The following TMEM204 variants were observed in gnomAD, a reference collection of about 807,000 sequenced individuals.
TMEM204 encodes claudin-like protein 24.
Under a neutral mutation model 19.4 loss-of-function variants are expected in TMEM204, and 15 were observed. That is an observed-to-expected ratio of 0.77 (90% CI 0.52 to 1.19). TMEM204 has a LOEUF of 1.19. TMEM204 is among the 50% of genes most tolerant of loss of function. TMEM204 has a pLI of 0.00. For synonymous variants in TMEM204, 161 were observed against 146.0 expected (o/e 1.10, Z -0.74); for missense variants, 287 against 321.2 (o/e 0.89, Z 0.81).
intron 1 of TMEM204, chr16:1,540,996 T>G (rs1474623797): frequency 1.0e-6 from 1 of 985,196 alleles, no homozygotes; most frequent in Non-Finnish European, 1.2e-6. Flanking sequence ...TGGGCCCCTG[T>G]GTAAGGTTTT....
chr16:1,534,600 C>T lies in TMEM204; in HGVS notation c.280+45C>T, dbSNP rs542513273. The T allele has an allele frequency of 3.1e-5, 49 of 1,597,858 alleles. No individual in the cohort carries two copies. The South Asian group carries it at 3.8e-4, about 13-fold the overall frequency. On this transcript the variant is annotated intron_variant, in intron 1 of 2. Coordinates refer to ENST00000566264, the MANE Select transcript of TMEM204 (RefSeq NM_024600.6). The stretch of plus-strand genomic sequence containing the variant: ...TGATGCCTTCAGCGTGGCCGAGGCT[C>T]GAGGGCACATGGGAGATGTTAGGCG...
upstream of TMEM204, chr16:1,531,744 C>T (rs1057507606): frequency 6.6e-6 from 1 of 152,314 alleles, no homozygotes; most frequent in Non-Finnish European, 1.5e-5. The surrounding 1 kb of genome is among the most constrained non-coding windows in gnomAD (Gnocchi z 4.7). Flanking sequence ...GGACCTGGAG[C>T]ACCCCAGAAG....
rs2032880737 is a variant in TMEM204, at chr16:1,553,901, T to C, written c.437-881T>C. 1.2e-5 allele frequency: 15 copies of C among 1,272,342 alleles called. No individual in the cohort carries two copies. Among genetic ancestry groups the C allele is most frequent in the Non-Finnish European group, 1.5e-5 (15 of 978,916 alleles). The allele number at this position is 1,272,342 out of a possible 1,614,324, so 78.8% of individuals were successfully genotyped here. A position where few individuals can be genotyped will look rare whatever the true frequency, so the allele number is the denominator to read the frequency against. On this transcript the variant is annotated intron_variant, in intron 2 of 2. Transcript: ENST00000566264. The surrounding 1 kb of genome is among the most constrained non-coding windows in gnomAD (Gnocchi z 4.4). ...TCACGAAACCCTGATTTTCCTGTTG[T>C]AAGAACTAAAAAGGTCTTTGGAGCT...
upstream of TMEM204, chr16:1,533,108 G>A (rs1428418101): frequency 6.7e-6 from 1 of 149,750 alleles, no homozygotes; most frequent in Admixed American, 6.6e-5. The surrounding 1 kb of genome is among the most constrained non-coding windows in gnomAD (Gnocchi z 4.7). Flanking sequence ...CTGGCCCCAA[G>A]GCCCTCCAAG....
chr16:1,552,381 C>T (rs1340494771), intron 2 of TMEM204, among the ~76,000 whole-genome samples: 1 of 152,130 alleles, frequency 6.6e-6, no homozygotes, highest in African/African-American at 2.4e-5. Context: ...CCTGAGCTCT[C>T]CGCTGTGCCT....
intron 1 of TMEM204, among the ~76,000 whole-genome samples, chr16:1,539,141 G>A (rs567923813): frequency 2.8e-5 from 4 of 142,172 alleles, no homozygotes; most frequent in Admixed American, 1.4e-4. Flanking sequence ...ACGGCCCCAC[G>A]CCTCAGGCCT....
intron 1 of TMEM204, chr16:1,541,456 A>G: frequency 1.0e-6 from 1 of 985,410 alleles, no homozygotes; most frequent in Non-Finnish European, 1.2e-6. Flanking sequence ...CACGCAGGAC[A>G]GCACGCCTGA....
chr16:1,529,432 C>T (rs2030197047), upstream of TMEM204, among the ~76,000 whole-genome samples: 1 of 152,240 alleles, frequency 6.6e-6, no homozygotes, highest in African/African-American at 2.4e-5. Context: ...CTGGCAGCTT[C>T]CTGGACGCTC....
intron 1 of TMEM204, among the ~76,000 whole-genome samples, chr16:1,537,264 C>T (rs752573789): frequency 1.7e-4 from 26 of 152,254 alleles, no homozygotes; most frequent in Non-Finnish European, 3.4e-4. Context: ...CCTCCTCACG[C>T]ACACCAGGCC....
chr16:1,544,338 C>A (rs182159317), intron 2 of TMEM204, among the ~76,000 whole-genome samples: 2 of 151,916 alleles, frequency 1.3e-5, no homozygotes, highest in East Asian at 3.9e-4. Flanking sequence ...CGCCCGCCAC[C>A]ATGCCCGGCT....
chr16:1,549,489 T>C (rs112123356), intron 2 of TMEM204, among the ~76,000 whole-genome samples: 3,569 of 152,262 alleles, frequency 0.023, 139 homozygotes, highest in African/African-American at 0.081. Flanking sequence ...GGCAATGGCG[T>C]GCAATCTCGG....
At chr16:1,536,282 C>T (rs895054107) in intron 1 of TMEM204, among the ~76,000 whole-genome samples, 6 of 152,184 alleles carry the variant, frequency 3.9e-5, no homozygotes, top group African/African-American at 1.4e-4. Flanking sequence ...GCCTCTGGCA[C>T]GACCTATGCA....
At chr16:1,549,077 C>T (rs941868228) in intron 2 of TMEM204, among the ~76,000 whole-genome samples, 3 of 152,242 alleles carry the variant, frequency 2.0e-5, no homozygotes, top group Admixed American at 6.5e-5. Flanking sequence ...GTCCCGTTTT[C>T]ACCGCATGCC....
chr16:1,549,304 A>G (rs2032440541), intron 2 of TMEM204, among the ~76,000 whole-genome samples: 1 of 152,248 alleles, frequency 6.6e-6, no homozygotes, highest in South Asian at 2.1e-4. Context: ...CAGACCTAGA[A>G]TTTTCCCATC....
chr16:1,542,183 A>G, intron 2 of TMEM204, 107 bp downstream of exon 2: 1 of 1,279,228 alleles, frequency 7.8e-7, no homozygotes. Flanking sequence ...GCTGCAGGCC[A>G]TACCTCTCAA....
In TMEM204 at chr16:1,540,331, C is replaced by G. The variant is rs561216279; in HGVS notation, c.281-1590C>G. ...CTAATACTGGCAATAGTGGTTCCAA[C>G]GGATACTTCTAACCACGTAAACACT... is the stretch of plus-strand genomic sequence containing the variant. On this transcript the variant is annotated intron_variant, in intron 1 of 2. Coordinates refer to ENST00000566264, the MANE Select transcript of TMEM204 (RefSeq NM_024600.6). 5.9e-5 allele frequency among the ~76,000 whole-genome samples: 9 copies of G among 152,360 alleles called. No homozygotes were observed. In the South Asian group the frequency reaches 1.0e-3, roughly 18 times the overall value.
chr16:1,536,220 G>A lies in TMEM204; in HGVS notation c.280+1665G>A, dbSNP rs1325762689. On this transcript the variant is annotated intron_variant, in intron 1 of 2. Coordinates refer to ENST00000566264, the MANE Select transcript of TMEM204 (RefSeq NM_024600.6). Reference sequence around the variant, plus strand: ...TCTCAGGGCAGCTGGAAGCCTTGGCGCCCCTCCCTGTTGCTACCTCTTGCG... The same window carrying A: ...TCTCAGGGCAGCTGGAAGCCTTGGCACCCCTCCCTGTTGCTACCTCTTGCG... 5.3e-5 allele frequency among the ~76,000 whole-genome samples: 8 copies of A among 152,352 alleles called. No individual in the cohort carries two copies. The East Asian group carries it at 1.2e-3, about 22-fold the overall frequency.
At chr16:1,529,403 C>T (rs1047768131), upstream of TMEM204, among the ~76,000 whole-genome samples, 1 of 152,248 alleles carries the variant, frequency 6.6e-6, no homozygotes, top group Non-Finnish European at 1.5e-5. Context: ...GGGCTCCTCA[C>T]AGCACCTGGG....
intron 1 of TMEM204, among the ~76,000 whole-genome samples, chr16:1,539,080 C>G (rs958667756): frequency 1.3e-5 from 2 of 150,340 alleles, no homozygotes; most frequent in African/African-American, 5.0e-5. Context: ...GCAAGCTGCA[C>G]AGTGCCAGAT....
Sources: gnomAD v4.1 joint callset for allele counts (sites outside exome capture counted in the v4.1 genomes callset) on GRCh38, gnomAD v4.1.1 for gene constraint, Gnocchi (gnomAD v3.1) non-coding constraint, MANE v1.5 for transcripts, NCBI Gene and HGNC (gene_info 2026-07-23, HGNC 2026-07-21) for gene names.